COL15A1: variants seen among roughly 807,000 people sequenced by gnomAD.
COL15A1 encodes collagen alpha-1(XV) chain.
Under a neutral mutation model 165.9 loss-of-function variants are expected in COL15A1, and 111 were observed. That is an observed-to-expected ratio of 0.67 (90% CI 0.57 to 0.78). The LOEUF (loss-of-function observed/expected upper bound fraction) is 0.78, where lower values mean the gene tolerates loss of function less well. Among genes scored for constraint, COL15A1 ranks in the 30% least tolerant of loss-of-function variants. The pLI, the probability that COL15A1 is intolerant of heterozygous loss-of-function variation, is 0.00. For synonymous variants in COL15A1, 659 were observed against 674.8 expected, an observed-to-expected ratio of 0.98 and a Z score of 0.36; for missense variants, 1,745 against 1,789.7, an observed-to-expected ratio of 0.98 and a Z score of 0.45.
intron 2 of COL15A1, among the ~76,000 whole-genome samples, chr9:98,961,655 G>A (rs537079403): frequency 6.6e-6 from 1 of 152,266 alleles, no homozygotes; most frequent in South Asian, 2.1e-4. Flanking sequence ...CTGGCCCTGG[G>A]GGAGCATCTT....
intron 2 of COL15A1, among the ~76,000 whole-genome samples, chr9:98,956,315 A>C (rs1379880964): frequency 2.6e-5 from 4 of 152,176 alleles, no homozygotes; most frequent in Non-Finnish European, 5.9e-5. Flanking sequence ...CAAAAACAAA[A>C]ACAAACAAAG....
rs1825959745 is a variant in COL15A1 at position 99,069,993 on chromosome 9, T to TTA, written c.*107_*108insTA. 5 of 934,046 alleles carry TTA rather than the reference T, an allele frequency of 5.4e-6. No homozygotes were observed. Among genetic ancestry groups the TTA allele is most frequent in the Non-Finnish European group, 7.8e-6 (5 of 638,784 alleles). 57.9% of individuals were successfully genotyped at this position (934,046 alleles called of 1,614,324 possible). On this transcript the variant is annotated 3_prime_UTR_variant, in exon 42 of 42. Transcript: ENST00000375001. ...TGTAAATATTACAGTTTTTTTTTTT[T>TTA]ACTACATATTCTTTACAACAGCAAC...
chr9:99,038,034 A>G (rs1385018527), intron 21 of COL15A1, among the ~76,000 whole-genome samples: 1 of 152,164 alleles, frequency 6.6e-6, no homozygotes, highest in Non-Finnish European at 1.5e-5. Context: ...GGCCCTTTAG[A>G]GAGAAATAAC....
In COL15A1 at chr9:99,060,018, T is replaced by C. The variant is rs186985791; in HGVS notation, c.3402+65T>C. On this transcript the variant is annotated intron_variant, in intron 36 of 41. Coordinates refer to ENST00000375001, the MANE Select transcript of COL15A1 (RefSeq NM_001855.5). ...GGATAGATATACTTAAAACTCTGCC[T>C]ACGATCTCCTGTGTCTGACATCCCT... The C allele has an allele frequency of 1.5e-5, 23 of 1,562,808 alleles. No individual in the cohort carries two copies. In the African/African-American group the frequency reaches 3.1e-4, roughly 21 times the overall value.
At chr9:99,007,176 A>G (rs1471282970) in intron 9 of COL15A1, among the ~76,000 whole-genome samples, 1 of 152,214 alleles carries the variant, frequency 6.6e-6, no homozygotes, top group Admixed American at 6.5e-5. Flanking sequence ...AAAGGAAGCA[A>G]TCAGATATGC....
intron 2 of COL15A1, among the ~76,000 whole-genome samples, chr9:98,980,694 C>G (rs957893906): frequency 6.6e-6 from 1 of 152,196 alleles, no homozygotes; most frequent in Non-Finnish European, 1.5e-5. Flanking sequence ...CAGATGTGCT[C>G]TTTTGTCGAG....
chr9:99,047,383 T>G (rs543132628), intron 26 of COL15A1, among the ~76,000 whole-genome samples: 1 of 152,094 alleles, frequency 6.6e-6, no homozygotes, highest in Non-Finnish European at 1.5e-5. Context: ...GCTGCGTTAT[T>G]CAGAATGGGG....
At chr9:98,999,812 G>A (rs1019912165) in intron 6 of COL15A1, among the ~76,000 whole-genome samples, 1 of 148,884 alleles carries the variant, frequency 6.7e-6, no homozygotes, top group African/African-American at 2.5e-5. Context: ...GAGCCACCAT[G>A]CCCGGCCAAT....
At chr9:99,021,988 C>A in intron 12 of COL15A1, 103 bp from the exon 13 acceptor site, 1 of 1,491,872 alleles carries the variant, frequency 6.7e-7, no homozygotes, top group South Asian at 1.1e-5. Flanking sequence ...TTTTTCTTTC[C>A]TGTGTGATCC....
Position 99,068,579 on chromosome 9 carries a change from G to T in COL15A1, c.3862G>T (p.Asp1288Tyr). The T allele has an allele frequency of 1.3e-6, 2 of 1,540,446 alleles. No homozygotes were observed. Among genetic ancestry groups the T allele is most frequent in the Non-Finnish European group, 1.7e-6 (2 of 1,152,808 alleles). Reference protein sequence around the residue: ...LKGQVLFNNWDSIFSGHGGQF... With the variant: ...LKGQVLFNNWYSIFSGHGGQF... ...GGGCCAAGTACTTTTTAATAATTGGGACTCAATTTTTTCTGGCCACGGAGG... is the reference window on the plus strand; with the variant it reads ...GGGCCAAGTACTTTTTAATAATTGGTACTCAATTTTTTCTGGCCACGGAGG... Residue 1288 changes from aspartate to tyrosine, a missense_variant, in exon 41 of 42, where the codon GAC becomes TAC. By Grantham distance (160) the Asp-to-Tyr change is radical (BLOSUM62 -3). Coordinates refer to ENST00000375001, the MANE Select transcript of COL15A1 (RefSeq NM_001855.5).
intron 2 of COL15A1, among the ~76,000 whole-genome samples, chr9:98,947,927 C>A (rs1299450579): frequency 1.3e-5 from 2 of 152,234 alleles, no homozygotes; most frequent in Non-Finnish European, 2.9e-5. Flanking sequence ...CACTCACTGA[C>A]TTCCTCCATG....
intron 5 of COL15A1, among the ~76,000 whole-genome samples, chr9:98,993,418 T>C (rs1838483416): frequency 6.6e-6 from 1 of 152,194 alleles, no homozygotes; most frequent in African/African-American, 2.4e-5. Flanking sequence ...CCTTCAGTTA[T>C]TAAGGGGATT....
At chr9:99,047,726 TC>T (rs1839516371) in intron 26 of COL15A1, 59 bp from the exon 27 acceptor site, 5 of 1,583,702 alleles carry the variant, frequency 3.2e-6, no homozygotes, top group Non-Finnish European at 3.5e-6. Context: ...CTTGCACTCC[TC>T]ATTTCCCTGA....
intron 28 of COL15A1, among the ~76,000 whole-genome samples, chr9:99,049,097 A>G (rs1052115015): frequency 6.6e-6 from 1 of 151,680 alleles, no homozygotes; most frequent in African/African-American, 2.4e-5. Flanking sequence ...CATGAACTAA[A>G]CTCTTCATGC....
In COL15A1 at chr9:99,068,560, A is replaced by G; in HGVS notation, c.3843A>G (p.Gln1281=). Residue 1281 remains glutamine (Q), a synonymous_variant, in exon 41 of 42, where the codon CAA becomes CAG. Transcript: ENST00000375001. ...GTGGTATTTTGTCTCTATAGGGCCA[A>G]GTACTTTTTAATAATTGGGACTCAA... ...YSLPIVNLKG[Q]VLFNNWDSIF... is the part of the protein sequence containing the mutation. 2 of 1,510,928 alleles carry G rather than the reference A, an allele frequency of 1.3e-6. No homozygotes were observed. Among genetic ancestry groups the G allele is most frequent in the Non-Finnish European group, 1.8e-6 (2 of 1,129,858 alleles). 93.6% of individuals were successfully genotyped at this position (1,510,928 alleles called of 1,614,324 possible). A position where few individuals can be genotyped will look rare whatever the true frequency, so the allele number is the denominator to read the frequency against.
At chr9:99,027,107 C>T (rs1400421525) in intron 16 of COL15A1, among the ~76,000 whole-genome samples, 1 of 152,176 alleles carries the variant, frequency 6.6e-6, no homozygotes. Context: ...GGGGTGCTTT[C>T]TGCCTCTGCA....
intron 2 of COL15A1, among the ~76,000 whole-genome samples, chr9:98,947,271 T>A (rs1837602489): frequency 6.6e-6 from 1 of 152,158 alleles, no homozygotes; most frequent in African/African-American, 2.4e-5. Flanking sequence ...CTTAATACCA[T>A]TAAGCTAAGT....
At position 99,062,409 on chromosome 9, in the gene COL15A1, G is replaced by A. The variant is rs1319576214; in HGVS notation, c.3591+105G>A. The A allele has an allele frequency of 2.3e-5, 20 of 868,264 alleles. No individual in the cohort carries two copies. The Admixed American group carries it at 3.4e-4, about 15-fold the overall frequency. The allele number at this position is 868,264 out of a possible 1,614,324, so 53.8% of individuals were successfully genotyped here. On this transcript the variant is annotated intron_variant, in intron 38 of 41. Coordinates refer to ENST00000375001, the MANE Select transcript of COL15A1 (RefSeq NM_001855.5). ...CTCTCCAAACTCTGGACAGTCAGCTGTGCACGGTTTAGTATCTGGTGAAAT... is the reference window on the plus strand; with the variant it reads ...CTCTCCAAACTCTGGACAGTCAGCTATGCACGGTTTAGTATCTGGTGAAAT...
At chr9:99,020,210 A>G (rs1238606728) in intron 11 of COL15A1, among the ~76,000 whole-genome samples, 179 bp from the exon 12 acceptor site, 2 of 152,172 alleles carry the variant, frequency 1.3e-5, no homozygotes, top group Non-Finnish European at 2.9e-5. Flanking sequence ...CTGCCGGTGC[A>G]GGGGATGGTG....
Sources: gnomAD v4.1 joint callset for allele counts (sites outside exome capture counted in the v4.1 genomes callset) on GRCh38, gnomAD v4.1.1 for gene constraint, MANE v1.5 for transcripts, NCBI Gene and HGNC (gene_info 2026-07-23, HGNC 2026-07-21) for gene names.